CA10: variants seen among roughly 807,000 people sequenced by gnomAD.
CA10 encodes carbonic anhydrase 10 (inactive), also known as carbonic anhydrase-related protein 10.
A neutral mutation model predicts 44.2 loss-of-function variants in CA10; 14 were observed. The observed-to-expected ratio is 0.32, with a 90% CI of 0.21 to 0.50. The LOEUF is 0.50. Among genes scored for constraint, CA10 ranks in the 20% least tolerant of loss-of-function variants. CA10 has a pLI of 0.99. For synonymous variants in CA10, 159 were observed against 141.6 expected (o/e 1.12, Z -0.87); for missense variants, 350 against 409.7 (o/e 0.85, Z 1.26).
intron 1 of CA10, among the ~76,000 whole-genome samples, chr17:52,131,158 G>A: frequency 6.6e-6 from 1 of 150,644 alleles, no homozygotes; most frequent in Admixed American, 6.6e-5. Context: ...TTACCCCAAA[G>A]TTCCCCTTTA....
intron 2 of CA10, 75 bp downstream of exon 2, chr17:52,072,243 TA>T: frequency 9.3e-7 from 1 of 1,073,192 alleles, no homozygotes; most frequent in Non-Finnish European, 1.4e-6. Context: ...TTTTGCAATG[TA>T]AAATCCTGGA....
intron 2 of CA10, among the ~76,000 whole-genome samples, chr17:51,989,617 A>G (rs554353596): frequency 3.9e-5 from 6 of 152,114 alleles, no homozygotes; most frequent in Non-Finnish European, 7.4e-5. Flanking sequence ...AATACTATGC[A>G]GCTGTAAAAA....
intron 2 of CA10, among the ~76,000 whole-genome samples, chr17:52,039,171 A>G (rs1032106822): frequency 1.3e-5 from 2 of 152,176 alleles, no homozygotes; most frequent in African/African-American, 4.8e-5. Context: ...TGTTCTTGAT[A>G]TGATTCCAAG....
At chr17:51,674,630 C>T (rs1914548717) in intron 4 of CA10, among the ~76,000 whole-genome samples, 1 of 152,108 alleles carries the variant, frequency 6.6e-6, no homozygotes, top group South Asian at 2.1e-4. Context: ...CATACATCTA[C>T]CTGTCATTCT....
At chr17:51,822,369 T>G (rs1907841490) in intron 3 of CA10, among the ~76,000 whole-genome samples, 1 of 151,976 alleles carries the variant, frequency 6.6e-6, no homozygotes, top group South Asian at 2.1e-4. Flanking sequence ...TGAGCCAGGA[T>G]CCACCACTGC....
intron 4 of CA10, among the ~76,000 whole-genome samples, chr17:51,677,653 G>A (rs537075519): frequency 1.3e-5 from 2 of 152,120 alleles, no homozygotes; most frequent in Non-Finnish European, 2.9e-5. Context: ...AAAAGAGGGA[G>A]ACAGGGTGGA....
At chr17:52,003,711 C>G (rs897442065) in intron 2 of CA10, among the ~76,000 whole-genome samples, 2 of 151,830 alleles carry the variant, frequency 1.3e-5, no homozygotes, top group Non-Finnish European at 2.9e-5. Flanking sequence ...AACAAAAGTT[C>G]ACACAAAAGG....
rs554199354 is a variant in CA10, at chr17:52,004,561, G to A, written c.136+67758C>T. The stretch of plus-strand genomic sequence containing the variant: ...GAGATTTTTAGTACAGCCATTCTAC[G>A]CCTTAGACACTAACAAGACAATTAA... On this transcript the variant is annotated intron_variant, in intron 2 of 8. Transcript: ENST00000451037. 7.2e-5 allele frequency among the ~76,000 whole-genome samples: 11 copies of A among 151,928 alleles called. No homozygotes were observed. In the South Asian group the frequency reaches 1.0e-3, roughly 14 times the overall value.
chr17:51,639,705 C>T (rs1597955303), intron 6 of CA10, among the ~76,000 whole-genome samples: 1 of 152,140 alleles, frequency 6.6e-6, no homozygotes, highest in African/African-American at 2.4e-5. Flanking sequence ...TACCTTTTGC[C>T]CTTTTTATAT....
At chr17:52,133,355 A>C (rs990258133) in intron 1 of CA10, among the ~76,000 whole-genome samples, 1 of 152,126 alleles carries the variant, frequency 6.6e-6, no homozygotes, top group African/African-American at 2.4e-5. Context: ...AAGGCCTTTA[A>C]ATGTCTATTT....
intron 3 of CA10, among the ~76,000 whole-genome samples, chr17:51,753,909 T>C (rs1904981889): frequency 6.6e-6 from 1 of 152,154 alleles, no homozygotes; most frequent in South Asian, 2.1e-4. Context: ...AGTGGCGTGA[T>C]CTTGGCTCAC....
intron 3 of CA10, among the ~76,000 whole-genome samples, chr17:51,832,413 C>T (rs1908316955): frequency 6.6e-6 from 1 of 152,158 alleles, no homozygotes; most frequent in Non-Finnish European, 1.5e-5. Context: ...AGGGTTTCCT[C>T]AGACATGTGC....
intron 3 of CA10, among the ~76,000 whole-genome samples, chr17:51,816,347 A>C (rs1178720764): frequency 6.6e-6 from 1 of 152,162 alleles, no homozygotes; most frequent in Non-Finnish European, 1.5e-5. Context: ...TCCAAATCTT[A>C]GCTATTGTGA....
At chr17:51,860,480 GAC>G (rs1223042087) in intron 3 of CA10, among the ~76,000 whole-genome samples, 37 of 152,336 alleles carry the variant, frequency 2.4e-4, no homozygotes, top group African/African-American at 8.7e-4. Context: ...AGGTGGGCCT[GAC>G]ATTCCATGCT....
chr17:52,140,634 C>T (rs2143381731), intron 1 of CA10, among the ~76,000 whole-genome samples: 1 of 152,312 alleles, frequency 6.6e-6, no homozygotes, highest in Middle Eastern at 3.4e-3. Context: ...TGTTTGTCAG[C>T]CCCTGCTCTA....
chr17:51,728,788 A>G (rs1598012993), intron 4 of CA10, among the ~76,000 whole-genome samples: 1 of 152,182 alleles, frequency 6.6e-6, no homozygotes, highest in African/African-American at 2.4e-5. Context: ...ACCACACTGA[A>G]GAGGAGGGGA....
intron 2 of CA10, among the ~76,000 whole-genome samples, chr17:52,018,023 A>G (rs1361291694): frequency 6.6e-6 from 1 of 152,148 alleles, no homozygotes; most frequent in Non-Finnish European, 1.5e-5. Flanking sequence ...CATAGTGCAA[A>G]GCCTTTAGGC....
At chr17:52,130,195 A>G (rs1044857650) in intron 1 of CA10, among the ~76,000 whole-genome samples, 2 of 152,192 alleles carry the variant, frequency 1.3e-5, no homozygotes, top group African/African-American at 4.8e-5. Context: ...TCCCTTGTGC[A>G]CTGTTGGTGA....
chr17:52,036,372 T>TCCTTG (rs1429710911), intron 2 of CA10, among the ~76,000 whole-genome samples: 2 of 152,162 alleles, frequency 1.3e-5, no homozygotes, highest in Admixed American at 6.6e-5. Context: ...TGTGACATGG[T>TCCTTG]CCTTGCCTTC....
Sources: allele counts gnomAD v4.1 joint callset (sites outside exome capture counted in the v4.1 genomes callset), GRCh38; gene constraint gnomAD v4.1.1; transcripts MANE v1.5; gene names NCBI Gene and HGNC (gene_info 2026-07-23, HGNC 2026-07-21).